Variants in ZNRF1 observed in about 807,000 individuals in gnomAD.
The protein encoded by ZNRF1 is zinc and ring finger 1, also known as E3 ubiquitin-protein ligase ZNRF1.
Under a neutral mutation model 18.4 loss-of-function variants are expected in ZNRF1, and 3 were observed. The ratio of observed to expected loss-of-function variants is 0.16; its 90% confidence interval spans 0.07 to 0.42. The LOEUF is 0.42. Ranked by LOEUF, ZNRF1 falls within the 10% of genes least tolerant of loss-of-function variation. The pLI is 0.99. For synonymous variants in ZNRF1, 157 were observed against 144.2 expected, an observed-to-expected ratio of 1.09 and a Z score of -0.64; for missense variants, 310 against 329.8, an observed-to-expected ratio of 0.94 and a Z score of 0.47.
intron 1 of ZNRF1, among the ~76,000 whole-genome samples, chr16:75,071,723 G>A (rs2035872931): frequency 6.6e-6 from 1 of 152,142 alleles, no homozygotes; most frequent in African/African-American, 2.4e-5. Context: ...TAGTCCTGGG[G>A]CTGTTTGGGG....
chr16:75,025,070 A>AATTAATTT (rs2035202617), intron 1 of ZNRF1, among the ~76,000 whole-genome samples: 2 of 151,894 alleles, frequency 1.3e-5, no homozygotes, highest in Middle Eastern at 3.4e-3. Context: ...TTAATTAATT[A>AATTAATTT]ATTAATTTAT....
chr16:75,067,466 G>C lies in ZNRF1; in HGVS notation c.425-26106G>C, dbSNP rs189474432. Among the ~76,000 whole-genome samples the C allele has an allele frequency of 5.3e-5, 8 of 152,294 alleles. No individual in the cohort carries two copies. In the East Asian group the frequency reaches 1.2e-3, roughly 22 times the overall value. On this transcript the variant is annotated intron_variant, in intron 1 of 4. Transcript: ENST00000335325. ...GTCTGCTACAAGTAAAACCCGTTCA[G>C]AATTCTAATTGGATTTTTTGAAGAA...
intron 1 of ZNRF1, among the ~76,000 whole-genome samples, chr16:75,088,252 C>T (rs1350883694): frequency 1.3e-5 from 2 of 152,152 alleles, no homozygotes; most frequent in South Asian, 2.1e-4. Flanking sequence ...TCTTGATCAT[C>T]GGATGACATT....
intron 1 of ZNRF1, among the ~76,000 whole-genome samples, chr16:75,012,240 C>T (rs1597856497): frequency 6.6e-6 from 1 of 152,194 alleles, no homozygotes; most frequent in South Asian, 2.1e-4. Flanking sequence ...GCTGCAGTAG[C>T]ATGACCAGTG....
At position 75,106,482 on chromosome 16, in the gene ZNRF1, C is replaced by T. The variant is rs1232860661; in HGVS notation, c.627C>T (p.Ser209=). 2 of 1,614,170 alleles carry T rather than the reference C, an allele frequency of 1.2e-6. No homozygotes were observed. Among genetic ancestry groups the T allele is most frequent in the Non-Finnish European group, 1.7e-6 (2 of 1,180,014 alleles). ...RLPCLCIYHK[S]CIDSWFEVNR... ...TTCCCTTGCGGCCCCCTCCTCCCAG[C>T]TGCATAGACTCGTGGTTTGAAGTGA... Residue 209 remains serine (S), a splice_region_variant and synonymous_variant, in exon 4 of 5, where the codon AGC becomes AGT. Coordinates refer to ENST00000335325, the MANE Select transcript of ZNRF1 (RefSeq NM_032268.5).
At chr16:75,074,620 T>G (rs143739879) in intron 1 of ZNRF1, among the ~76,000 whole-genome samples, 5 of 152,300 alleles carry the variant, frequency 3.3e-5, no homozygotes, top group Admixed American at 1.3e-4. Context: ...ACGACACGCT[T>G]GAACTGGGGT....
intron 1 of ZNRF1, among the ~76,000 whole-genome samples, chr16:75,077,433 G>T (rs978094613): frequency 6.6e-6 from 1 of 152,190 alleles, no homozygotes; most frequent in African/African-American, 2.4e-5. Flanking sequence ...TCGGGAGGCC[G>T]AGGCAGGAGA....
chr16:75,042,622 T>C (rs1597875653), intron 1 of ZNRF1, among the ~76,000 whole-genome samples: 1 of 152,180 alleles, frequency 6.6e-6, no homozygotes, highest in Admixed American at 6.5e-5. Context: ...GCTATTGTGG[T>C]TACTTGTAAC....
chr16:75,027,474 T>C (rs1405272449), intron 1 of ZNRF1, among the ~76,000 whole-genome samples: 1 of 152,196 alleles, frequency 6.6e-6, no homozygotes, highest in Admixed American at 6.5e-5. Context: ...TTGCCCCCTG[T>C]GACTCCATTT....
chr16:75,029,998 G>A (rs981293151), intron 1 of ZNRF1, among the ~76,000 whole-genome samples: 1 of 150,578 alleles, frequency 6.6e-6, no homozygotes, highest in South Asian at 2.1e-4. Flanking sequence ...AGGAGGCAGA[G>A]GTTGCAGTGA....
At chr16:75,094,696 G>T (rs2036178059) in intron 2 of ZNRF1, among the ~76,000 whole-genome samples, 1 of 152,176 alleles carries the variant, frequency 6.6e-6, no homozygotes, top group Non-Finnish European at 1.5e-5. Flanking sequence ...TCTTTTTGCA[G>T]TTTTCCAGAG....
chr16:75,079,031 C>T (rs867027113), intron 1 of ZNRF1, among the ~76,000 whole-genome samples: 5 of 152,194 alleles, frequency 3.3e-5, no homozygotes, highest in South Asian at 2.1e-4. Flanking sequence ...TTCTCCCATT[C>T]TTATCTACCC....
rs1026104574 is a variant in ZNRF1, at chr16:75,089,865, C to A, written c.425-3707C>A. On this transcript the variant is annotated intron_variant, in intron 1 of 4. Coordinates refer to ENST00000335325, the MANE Select transcript of ZNRF1 (RefSeq NM_032268.5). ...CTCCCCTCCTGCACTCAAGGAATCACGCTGGAATACAGGGGAGTAAATGAT... is the reference window on the plus strand; with the variant it reads ...CTCCCCTCCTGCACTCAAGGAATCAAGCTGGAATACAGGGGAGTAAATGAT... Among the ~76,000 whole-genome samples the A allele has an allele frequency of 2.0e-5, 3 of 152,180 alleles. No individual in the cohort carries two copies. The South Asian group carries it at 6.2e-4, about 32-fold the overall frequency.
At chr16:75,002,380 A>G (rs762506137) in intron 1 of ZNRF1, 5 of 152,204 alleles carry the variant, frequency 3.3e-5, no homozygotes, top group Non-Finnish European at 7.3e-5. Context: ...AGTAAGGTCT[A>G]AGCAGCTTTT....
intron 1 of ZNRF1, among the ~76,000 whole-genome samples, chr16:75,065,256 G>A (rs1405877168): frequency 1.3e-5 from 2 of 152,196 alleles, no homozygotes; most frequent in Non-Finnish European, 2.9e-5. Flanking sequence ...CAACCCCGAG[G>A]TGCCTGCGGC....
At chr16:75,000,347 A>C (rs1567460879) in intron 1 of ZNRF1, 2 of 677,162 alleles carry the variant, frequency 3.0e-6, no homozygotes, top group Non-Finnish European at 5.4e-6. Context: ...AAGCCTACCT[A>C]TTGGAGTTCC....
At chr16:75,030,749 C>T (rs4888331) in intron 1 of ZNRF1, among the ~76,000 whole-genome samples, 131,811 of 151,648 alleles carry the variant, frequency 0.87, 57,876 homozygotes, top group Non-Finnish European at 0.93. Flanking sequence ...TAATATATAA[C>T]GCATAGCTTT....
chr16:75,091,960 C>G (rs1161032914), intron 1 of ZNRF1, among the ~76,000 whole-genome samples: 2 of 151,946 alleles, frequency 1.3e-5, no homozygotes, highest in South Asian at 4.1e-4. Context: ...GTATTATATA[C>G]TGTATTACAA....
chr16:75,053,644 G>T (rs953526441), intron 1 of ZNRF1, among the ~76,000 whole-genome samples: 2 of 151,692 alleles, frequency 1.3e-5, no homozygotes, highest in African/African-American at 4.8e-5. Flanking sequence ...CACTATCAGG[G>T]GCTATTTGTG....
Sources: gnomAD v4.1 joint callset for allele counts (sites outside exome capture counted in the v4.1 genomes callset) on GRCh38, gnomAD v4.1.1 for gene constraint, MANE v1.5 for transcripts, NCBI Gene and HGNC (gene_info 2026-07-23, HGNC 2026-07-21) for gene names.